Variants in SPIRE2 observed in about 807,000 individuals in gnomAD.
SPIRE2 encodes the protein protein spire homolog 2.
Under a neutral mutation model 80.7 loss-of-function variants are expected in SPIRE2, and 76 were observed. That is an observed-to-expected ratio of 0.94 (90% CI 0.78 to 1.14). The LOEUF (loss-of-function observed/expected upper bound fraction) is 1.14, where lower values mean the gene tolerates loss of function less well. Among genes scored for constraint, SPIRE2 ranks in the 50% most tolerant of loss-of-function variants. The pLI is 0.00. For synonymous variants in SPIRE2, 535 were observed against 432.6 expected (o/e 1.24, Z -2.94); for missense variants, 1,196 against 1,015.3 (o/e 1.18, Z -2.42).
At position 89,850,579 on chromosome 16, in the gene SPIRE2, T is replaced by A. The variant is rs1469763043; in HGVS notation, c.564T>A (p.His188Gln). 1 of 1,518,252 alleles carries A rather than the reference T, an allele frequency of 6.6e-7. No individual in the cohort carries two copies. The highest frequency in any genetic ancestry group is 8.8e-7 in the Non-Finnish European group (1 of 1,138,048). 94.0% of individuals were successfully genotyped at this position (1,518,252 alleles called of 1,614,324 possible). The part of the protein sequence containing the change: ...RLTDPRGAQA[H>Q]YQAVCRALFV... The stretch of plus-strand genomic sequence containing the variant: ...CCGACCCCCGGGGCGCACAGGCGCA[T>A]TACCAGGCCGTGTGCCGCGCGCTCT... Residue 188 changes from histidine to glutamine, a missense_variant, in exon 3 of 15, where the codon CAT becomes CAA. By Grantham distance (24) the His-to-Gln change is conservative (BLOSUM62 0). Coordinates refer to ENST00000378247, the MANE Select transcript of SPIRE2 (RefSeq NM_032451.2).
In SPIRE2 at chr16:89,869,622, A is replaced by G; in HGVS notation, c.1862A>G (p.Glu621Gly). The G allele has an allele frequency of 1.9e-6, 3 of 1,614,154 alleles. No homozygotes were observed. The highest frequency in any genetic ancestry group is 2.5e-6 in the Non-Finnish European group (3 of 1,180,008). ...GHIPVYTLGF[E>G]SPQRVSAAKT... ...ATCCCTGTCTACACACTGGGCTTTGAGAGTCCTCAGAGGGTATCAGCTGCC... is the reference window on the plus strand; with the variant it reads ...ATCCCTGTCTACACACTGGGCTTTGGGAGTCCTCAGAGGGTATCAGCTGCC... The change falls in exon 14 of 15, where the codon GAG becomes GGG. Residue 621 changes from glutamate to glycine, a missense_variant. By Grantham distance (98) the Glu-to-Gly change is moderately conservative. Coordinates refer to ENST00000378247, the MANE Select transcript of SPIRE2 (RefSeq NM_032451.2).
intron 14 of SPIRE2, 40 bp downstream of exon 14, chr16:89,869,722 C>A: frequency 1.3e-6 from 2 of 1,523,940 alleles, no homozygotes; most frequent in South Asian, 2.2e-5. Flanking sequence ...CTGTGGTGGT[C>A]GGGCGTGAAG....
chr16:89,833,628 T>A (rs1274468406), intron 1 of SPIRE2, among the ~76,000 whole-genome samples: 1 of 152,184 alleles, frequency 6.6e-6, no homozygotes, highest in Non-Finnish European at 1.5e-5. Flanking sequence ...CTCCGTGAAA[T>A]GGGAGGTGCA....
chr16:89,862,019 T>C (rs1275123234), intron 10 of SPIRE2: 2 of 151,578 alleles, frequency 1.3e-5, no homozygotes, highest in Admixed American at 6.6e-5. Flanking sequence ...TTTTTTTTTT[T>C]TGAGACAAGA....
At chr16:89,847,654 C>T (rs2041575838) in intron 2 of SPIRE2, among the ~76,000 whole-genome samples, 2 of 152,352 alleles carry the variant, frequency 1.3e-5, no homozygotes, top group South Asian at 4.1e-4. Flanking sequence ...TGCACAGCCC[C>T]TCAGTTACTG....
rs764519296 is a variant in SPIRE2 at position 89,845,325 on chromosome 16, C to G, written c.248C>G (p.Pro83Arg). Residue 83 changes from proline (P) to arginine (R), a missense_variant, in exon 2 of 15, where the codon CCT becomes CGT. Coordinates refer to ENST00000378247, the MANE Select transcript of SPIRE2 (RefSeq NM_032451.2). ...VGAREPEAAE[P>R]ATMVVPLASS... is the part of the protein sequence containing the mutation. The stretch of plus-strand genomic sequence containing the variant: ...TTAACTCCCTCTTCTCTTACAGAAC[C>G]TGCAACCATGGTCGTGCCACTAGCC... 5.6e-6 allele frequency: 9 copies of G among 1,614,158 alleles called. No homozygotes were observed. The highest frequency in any genetic ancestry group is 7.6e-6 in the Non-Finnish European group (9 of 1,180,002).
In SPIRE2 at chr16:89,863,335, C is replaced by A; in HGVS notation, c.1576-141C>A. 1 of 879,924 alleles carries A rather than the reference C, an allele frequency of 1.1e-6. No individual in the cohort carries two copies. Among genetic ancestry groups the A allele is most frequent in the Non-Finnish European group, 1.7e-6 (1 of 585,686 alleles). The allele number at this position is 879,924 out of a possible 1,614,324, so 54.5% of individuals were successfully genotyped here. A position where few individuals can be genotyped will look rare whatever the true frequency, so the allele number is the denominator to read the frequency against. Reference sequence around the variant, plus strand: ...GACATGGGGATGGATGGCTGATGGACAAGATGGCTGATGGACAGCGTTTTA... The same window carrying A: ...GACATGGGGATGGATGGCTGATGGAAAAGATGGCTGATGGACAGCGTTTTA... On this transcript the variant is annotated intron_variant, in intron 10 of 14. Transcript: ENST00000378247. The surrounding 1 kb of genome is among the most constrained non-coding windows in gnomAD (Gnocchi z 4.3).
chr16:89,854,248 C>A, intron 3 of SPIRE2, 38 bp from the exon 4 acceptor site: 1 of 1,595,136 alleles, frequency 6.3e-7, no homozygotes, highest in South Asian at 1.1e-5. Flanking sequence ...CTGCCATTCT[C>A]GTACCTCCCC....
intron 2 of SPIRE2, chr16:89,845,623 C>T (rs1438426541): frequency 1.4e-6 from 1 of 702,134 alleles, no homozygotes. Flanking sequence ...CTTCCTTCCA[C>T]AGCTGCACAG....
Position 89,845,805 on chromosome 16 carries a change from C to T in SPIRE2, c.288+440C>T, listed in dbSNP as rs1418594945. 4 of 584,960 alleles carry T rather than the reference C, an allele frequency of 6.8e-6. No homozygotes were observed. In the East Asian group the frequency reaches 8.6e-5, roughly 13 times the overall value. 36.2% of individuals were successfully genotyped at this position (584,960 alleles called of 1,614,324 possible). On this transcript the variant is annotated intron_variant, in intron 2 of 14. Coordinates refer to ENST00000378247, the MANE Select transcript of SPIRE2 (RefSeq NM_032451.2). Reference sequence around the variant, plus strand: ...GGGCAGGGCCTTCCTCTCCCATTCACCTGCCCTGAAGTCATGTCTGGAACG... The same window carrying T: ...GGGCAGGGCCTTCCTCTCCCATTCATCTGCCCTGAAGTCATGTCTGGAACG...
chr16:89,861,999 ACTT>A (rs1258022046), intron 10 of SPIRE2: 2 of 145,918 alleles, frequency 1.4e-5, no homozygotes, highest in Non-Finnish European at 3.0e-5. Context: ...ATTAAGGCCC[ACTT>A]CTTTTTTTTT....
In SPIRE2 at chr16:89,828,525, G is replaced by C; in HGVS notation, c.-26G>C. The C allele has an allele frequency of 9.6e-7, 1 of 1,046,054 alleles. No homozygotes were observed. The highest frequency in any genetic ancestry group is 1.1e-6 in the Non-Finnish European group (1 of 871,104). The allele number at this position is 1,046,054 out of a possible 1,614,324, so 64.8% of individuals were successfully genotyped here. A position where few individuals can be genotyped will look rare whatever the true frequency, so the allele number is the denominator to read the frequency against. ...GCGGCTGCATGGACGCGGGTCCGGCGCGCGGGAGGCGATGACGGCCCCGCC... is the reference window on the plus strand; with the variant it reads ...GCGGCTGCATGGACGCGGGTCCGGCCCGCGGGAGGCGATGACGGCCCCGCC... On this transcript the variant is annotated 5_prime_UTR_variant, in exon 1 of 15. Coordinates refer to ENST00000378247, the MANE Select transcript of SPIRE2 (RefSeq NM_032451.2). The surrounding 1 kb of genome is among the most constrained non-coding windows in gnomAD (Gnocchi z 5.9).
chr16:89,862,896 A>G (rs931765385), intron 10 of SPIRE2: 4 of 154,716 alleles, frequency 2.6e-5, no homozygotes, highest in African/African-American at 9.6e-5. Flanking sequence ...ATGGAGCTGA[A>G]ATCCAGCCCC....
At chr16:89,829,862 C>T (rs1016161134) in intron 1 of SPIRE2, among the ~76,000 whole-genome samples, 8 of 151,478 alleles carry the variant, frequency 5.3e-5, no homozygotes, top group African/African-American at 1.7e-4. Context: ...TTCAGATTCA[C>T]TGTGGCGTCC....
intron 12 of SPIRE2, among the ~76,000 whole-genome samples, chr16:89,865,753 G>A (rs576184249): frequency 1.8e-4 from 27 of 152,130 alleles, no homozygotes; most frequent in Non-Finnish European, 3.2e-4. Context: ...CAGATCACGA[G>A]GTCGGGAGAT....
intron 12 of SPIRE2, among the ~76,000 whole-genome samples, chr16:89,865,105 C>G (rs2041778093): frequency 6.8e-6 from 1 of 148,050 alleles, no homozygotes; most frequent in African/African-American, 2.5e-5. Flanking sequence ...CTCCTGAGTT[C>G]CCACCATTCT....
rs761297016 is a variant in SPIRE2, at chr16:89,863,637, G to A, written c.1710+27G>A. The A allele has an allele frequency of 4.0e-5, 65 of 1,613,916 alleles. No homozygotes were observed. Among genetic ancestry groups the A allele is most frequent in the African/African-American group, 5.3e-5 (4 of 74,940 alleles). ...TGAGGCTGCCTAGACGTGGGGCTAC[G>A]CTCTTGCCCGCTGGGTCAGGGGCGG... On this transcript the variant is annotated intron_variant, in intron 11 of 14. Transcript: ENST00000378247. This position sits in a 1 kb window ranked among gnomAD's most constrained non-coding sequence, Gnocchi z 4.3.
chr16:89,851,273 C>T (rs1252140788), intron 3 of SPIRE2, among the ~76,000 whole-genome samples: 1 of 152,214 alleles, frequency 6.6e-6, no homozygotes, highest in Non-Finnish European at 1.5e-5. Context: ...TTCCTCCTGC[C>T]TCCCCACCAG....
At chr16:89,869,756 G>A (rs2041823002) in intron 14 of SPIRE2, 74 bp downstream of exon 14, 1 of 1,186,840 alleles carries the variant, frequency 8.4e-7, no homozygotes, top group Non-Finnish European at 1.2e-6. Flanking sequence ...CTGGGGTGGA[G>A]GGGGCTGGCT....
Sources: gnomAD v4.1 joint callset for allele counts (sites outside exome capture counted in the v4.1 genomes callset) on GRCh38, gnomAD v4.1.1 for gene constraint, Gnocchi (gnomAD v3.1) non-coding constraint, MANE v1.5 for transcripts, NCBI Gene and HGNC (gene_info 2026-07-23, HGNC 2026-07-21) for gene names.